Variants in GNAQ observed in about 807,000 individuals in gnomAD.
GNAQ encodes G protein subunit alpha q.
GNAQ carries 8 observed loss-of-function variants against 43.9 expected under a neutral mutation model. The ratio of observed to expected loss-of-function variants is 0.18; its 90% CI spans 0.11 to 0.33. GNAQ has a LOEUF of 0.33. GNAQ is among the 10% of genes least tolerant of loss of function. The pLI is 1.00. For synonymous variants in GNAQ, 155 were observed against 170.7 expected (o/e 0.91, Z 0.71); for missense variants, 158 against 450.8 (o/e 0.35, Z 5.88).
At chr9:77,788,848 C>A (rs1486157712) in intron 5 of GNAQ, among the ~76,000 whole-genome samples, 4 of 152,138 alleles carry the variant, frequency 2.6e-5, no homozygotes, top group Admixed American at 1.3e-4. Flanking sequence ...AAAGAAACAG[C>A]CCTTATGAAT....
intron 3 of GNAQ, among the ~76,000 whole-genome samples, chr9:77,800,886 CA>C (rs1564114564): frequency 6.6e-6 from 1 of 152,096 alleles, no homozygotes; most frequent in Non-Finnish European, 1.5e-5. Flanking sequence ...CTACTGTATA[CA>C]AAAACTTATT....
intron 1 of GNAQ, among the ~76,000 whole-genome samples, chr9:78,030,059 G>A (rs746243312): frequency 6.6e-6 from 1 of 152,090 alleles, no homozygotes; most frequent in African/African-American, 2.4e-5. Flanking sequence ...TAGTGTTGAA[G>A]CAGAATTTTT....
chr9:77,860,852 C>T (rs1319487420), intron 2 of GNAQ, among the ~76,000 whole-genome samples: 1 of 152,198 alleles, frequency 6.6e-6, no homozygotes, highest in Non-Finnish European at 1.5e-5. Context: ...AGGCAACAAA[C>T]TCTCCTTATC....
chr9:77,756,705 T>C (rs1825909416), intron 5 of GNAQ, among the ~76,000 whole-genome samples: 1 of 152,210 alleles, frequency 6.6e-6, no homozygotes, highest in African/African-American at 2.4e-5. Flanking sequence ...TCAGGACTCT[T>C]TGTTATAGCA....
At chr9:77,837,117 A>T (rs1197387089) in intron 2 of GNAQ, among the ~76,000 whole-genome samples, 1 of 152,180 alleles carries the variant, frequency 6.6e-6, no homozygotes, top group African/African-American at 2.4e-5. Context: ...ACTACTTCTT[A>T]GTTCAAGTAA....
In GNAQ at chr9:77,963,630, G is replaced by A. The variant is rs113659519; in HGVS notation, c.137-41285C>T. On this transcript the variant is annotated intron_variant, in intron 1 of 6. Transcript: ENST00000286548. The stretch of plus-strand genomic sequence containing the variant: ...GTCAAGAGCAAAGGTCATGACAAAA[G>A]GTTTTGGGGACACTGAAGGCATTTT... Among the ~76,000 whole-genome samples, 590 of 152,260 alleles carry A rather than the reference G, an allele frequency of 3.9e-3. 2 individuals carry two copies. Among genetic ancestry groups the A allele is most frequent in the Non-Finnish European group, 6.9e-3 (471 of 68,018 alleles).
intron 1 of GNAQ, among the ~76,000 whole-genome samples, chr9:78,023,159 G>A (rs187215705): frequency 2.0e-5 from 3 of 152,320 alleles, no homozygotes; most frequent in Admixed American, 1.3e-4. Context: ...CTGCCCTCTG[G>A]AAAAGGAAGG....
At chr9:77,808,034 C>T (rs1826854530) in intron 3 of GNAQ, among the ~76,000 whole-genome samples, 1 of 152,108 alleles carries the variant, frequency 6.6e-6, no homozygotes, top group Non-Finnish European at 1.5e-5. Flanking sequence ...TAGCTAGGCA[C>T]ATCATCATCC....
At chr9:77,923,016 T>A (rs1829020752) in intron 1 of GNAQ, among the ~76,000 whole-genome samples, 1 of 91,354 alleles carries the variant, frequency 1.1e-5, no homozygotes, top group African/African-American at 3.8e-5. Flanking sequence ...CCCAGCTAAT[T>A]TTTTTTTTTT....
intron 2 of GNAQ, among the ~76,000 whole-genome samples, chr9:77,894,259 G>A (rs1318585335): frequency 7.9e-6 from 1 of 127,138 alleles, no homozygotes; most frequent in Non-Finnish European, 1.6e-5. Context: ...TTTCATTTAA[G>A]TCATAAAAGA....
At position 77,878,961 on chromosome 9, in the gene GNAQ, G is replaced by A. The variant is rs143129317; in HGVS notation, c.321+43200C>T. ...CTCAAGAGGCTGAGGCAAGAGAATC[G>A]CTTGAACTCAGGAGGAGGAAGTTGT... On this transcript the variant is annotated intron_variant, in intron 2 of 6. Coordinates refer to ENST00000286548, the MANE Select transcript of GNAQ (RefSeq NM_002072.5). Among the ~76,000 whole-genome samples, 854 of 152,068 alleles carry A rather than the reference G, an allele frequency of 5.6e-3. 7 individuals are homozygous for A. Among genetic ancestry groups the A allele is most frequent in the African/African-American group, 0.018 (764 of 41,478 alleles).
intron 5 of GNAQ, among the ~76,000 whole-genome samples, chr9:77,783,850 G>A (rs145376996): frequency 1.3e-5 from 2 of 152,162 alleles, no homozygotes; most frequent in East Asian, 1.9e-4. Flanking sequence ...GAGGATCACT[G>A]GAGCCTAGGA....
At chr9:77,894,490 T>C (rs926318682) in intron 2 of GNAQ, among the ~76,000 whole-genome samples, 12 of 149,524 alleles carry the variant, frequency 8.0e-5, no homozygotes, top group African/African-American at 3.0e-4. Flanking sequence ...TGCTGTGATC[T>C]AGGCTCACTG....
chr9:77,939,955 A>G (rs1379014248), intron 1 of GNAQ, among the ~76,000 whole-genome samples: 2 of 151,640 alleles, frequency 1.3e-5, no homozygotes, highest in African/African-American at 4.8e-5. Context: ...CCTGACACTT[A>G]ATGATTAGGG....
intron 3 of GNAQ, among the ~76,000 whole-genome samples, chr9:77,800,267 T>C (rs558124567): frequency 1.3e-4 from 19 of 151,952 alleles, no homozygotes; most frequent in East Asian, 9.6e-4. Context: ...TAAAGACACA[T>C]GCACACGTAT....
At chr9:77,938,142 T>C (rs1233301272) in intron 1 of GNAQ, among the ~76,000 whole-genome samples, 5 of 152,220 alleles carry the variant, frequency 3.3e-5, no homozygotes, top group Non-Finnish European at 7.3e-5. Context: ...ACATTACTTA[T>C]AATACCTGAT....
chr9:77,913,124 T>A (rs933330281), intron 2 of GNAQ, among the ~76,000 whole-genome samples: 1 of 152,154 alleles, frequency 6.6e-6, no homozygotes, highest in African/African-American at 2.4e-5. Context: ...ATTGGCAGTA[T>A]CTACGTACTA....
chr9:77,944,527 C>A (rs1479855103), intron 1 of GNAQ, among the ~76,000 whole-genome samples: 1 of 152,162 alleles, frequency 6.6e-6, no homozygotes, highest in Non-Finnish European at 1.5e-5. Context: ...ACCTCTGAGG[C>A]CCCTCTGGTC....
chr9:77,767,411 C>G (rs1003104913), intron 5 of GNAQ, among the ~76,000 whole-genome samples: 6 of 152,104 alleles, frequency 3.9e-5, no homozygotes, highest in African/African-American at 1.4e-4. Flanking sequence ...TGCTGAGAAC[C>G]ACTGCTCTGA....
Sources: gnomAD v4.1 joint callset for allele counts (sites outside exome capture counted in the v4.1 genomes callset) on GRCh38, gnomAD v4.1.1 for gene constraint, MANE v1.5 for transcripts, NCBI Gene and HGNC (gene_info 2026-07-23, HGNC 2026-07-21) for gene names.